The following NF1 variants were observed in gnomAD, a reference collection of about 807,000 sequenced individuals.
NF1 encodes neurofibromin.
A neutral mutation model predicts 325.7 loss-of-function variants in NF1; 122 were observed. The observed-to-expected ratio is 0.37, with a 90% CI of 0.32 to 0.44. The LOEUF is 0.44. NF1 is among the 20% of genes least tolerant of loss of function. NF1 has a pLI of 1.00. For missense variants in NF1, 2,140 were observed against 3,415.4 expected (o/e 0.63, Z 9.31); for synonymous variants, 1,091 against 1,186.0 (o/e 0.92, Z 1.65).
intron 29 of NF1, among the ~76,000 whole-genome samples, chr17:31,247,189 A>G (rs2067407820): frequency 9.4e-6 from 1 of 106,904 alleles, no homozygotes; most frequent in Non-Finnish European, 1.7e-5. Flanking sequence ...GCAAGACTCC[A>G]TCTCAAAAAA....
intron 1 of NF1, among the ~76,000 whole-genome samples, chr17:31,099,101 G>A (rs2143190213): frequency 6.6e-6 from 1 of 152,244 alleles, no homozygotes; most frequent in African/African-American, 2.4e-5. Flanking sequence ...CCCCCAGGGA[G>A]CATGTGCATG....
chr17:31,259,116 G>A lies in NF1; in HGVS notation c.4417G>A (p.Asp1473Asn), dbSNP rs587781790. The A allele has an allele frequency of 6.2e-7, 1 of 1,600,364 alleles. No individual in the cohort carries two copies. The highest frequency in any genetic ancestry group is 1.3e-5 in the African/African-American group (1 of 74,752). The change falls in exon 33 of 58, where the codon GAT becomes AAT. Residue 1473 changes from aspartate (D) to asparagine (N), a missense_variant. Physicochemically the swap from Asp to Asn is conservative, Grantham distance 23. Transcript: ENST00000358273. ...CAATGATTTTGTGAAAAGCAACTTT[G>A]ATGCAGCACGCAGGTAATTTTCTTG... is the stretch of plus-strand genomic sequence containing the variant. ...PFNDFVKSNFDAARRFFLDIA... is the reference protein window; with the variant it reads ...PFNDFVKSNFNAARRFFLDIA...
chr17:31,253,154 C>G (rs2067523674), intron 31 of NF1, 154 bp downstream of exon 31: 1 of 648,342 alleles, frequency 1.5e-6, no homozygotes, highest in Non-Finnish European at 2.7e-6. Context: ...TTTCAATTAA[C>G]CCTGGAATTA....
chr17:31,125,736 A>G (rs985577436), intron 1 of NF1, among the ~76,000 whole-genome samples: 2 of 151,978 alleles, frequency 1.3e-5, no homozygotes, highest in African/African-American at 4.8e-5. Context: ...GGGTTTCGCC[A>G]TGTTAGCCAG....
chr17:31,149,998 A>G (rs990516747), intron 1 of NF1, among the ~76,000 whole-genome samples: 1 of 152,198 alleles, frequency 6.6e-6, no homozygotes, highest in South Asian at 2.1e-4. Flanking sequence ...GTGCCTCTGT[A>G]TCTGTCTCTC....
intron 36 of NF1, among the ~76,000 whole-genome samples, chr17:31,283,689 G>A (rs998618604): frequency 1.3e-5 from 2 of 152,040 alleles, no homozygotes; most frequent in African/African-American, 2.4e-5. Context: ...GACAGGGTTT[G>A]TCATGTTGCC....
At position 31,159,107 on chromosome 17, in the gene NF1, T is replaced by A; in HGVS notation, c.288+14T>A. On this transcript the variant is annotated intron_variant, in intron 3 of 57. Transcript: ENST00000358273. Reference sequence around the variant, plus strand: ...TGTCTTGCTGGGGTAAGTAAATTGATCTTAAGTAGGCAGGCTTTGTGAATT... The same window carrying A: ...TGTCTTGCTGGGGTAAGTAAATTGAACTTAAGTAGGCAGGCTTTGTGAATT... 6.5e-7 allele frequency: 1 copy of A among 1,532,710 alleles called. No homozygotes were observed. Among genetic ancestry groups the A allele is most frequent in the Non-Finnish European group, 9.0e-7 (1 of 1,106,104 alleles). 94.9% of individuals were successfully genotyped at this position (1,532,710 alleles called of 1,614,324 possible).
chr17:31,167,089 T>C (rs980445925), intron 4 of NF1, among the ~76,000 whole-genome samples: 1 of 152,292 alleles, frequency 6.6e-6, no homozygotes, highest in Non-Finnish European at 1.5e-5. Context: ...AAATACCTGC[T>C]CTCTATAAGG....
intron 1 of NF1, among the ~76,000 whole-genome samples, chr17:31,134,860 T>G (rs904503767): frequency 2.0e-5 from 3 of 152,130 alleles, no homozygotes; most frequent in Admixed American, 6.5e-5. Context: ...TCCTTAGAAG[T>G]TACATACCTT....
chr17:31,184,640 T>C (rs1329348490), intron 8 of NF1, among the ~76,000 whole-genome samples: 1 of 136,764 alleles, frequency 7.3e-6, no homozygotes, highest in African/African-American at 2.6e-5. Flanking sequence ...ACAGCGAGAC[T>C]CCGTCTCAAA....
rs1166272892 is a variant in NF1, at chr17:31,375,037, C to T, written c.*882C>T. On this transcript the variant is annotated 3_prime_UTR_variant, in exon 58 of 58. Coordinates refer to ENST00000358273, the MANE Select transcript of NF1 (RefSeq NM_001042492.3). ...TTATATATATATATATATTTTTTCC[C>T]CTCCCCCTCTTCTTTCCTAACTAAT... is the stretch of plus-strand genomic sequence containing the variant. 8 of 204,022 alleles carry T rather than the reference C, an allele frequency of 3.9e-5. No individual in the cohort carries two copies. Among genetic ancestry groups the T allele is most frequent in the Admixed American group, 1.2e-4 (2 of 16,694 alleles). 12.6% of individuals were successfully genotyped at this position (204,022 alleles called of 1,614,324 possible). A position where few individuals can be genotyped will look rare whatever the true frequency, so the allele number is the denominator to read the frequency against.
rs114878105 is a variant in NF1 at position 31,109,815 on chromosome 17, A to C, written c.60+14446A>C. On this transcript the variant is annotated intron_variant, in intron 1 of 57. Transcript: ENST00000358273. ...CTTCTTTCCTCATCTTTTTGATCCT[A>C]ATGTATTTTAAAAGCCTTTACATAT... is the stretch of plus-strand genomic sequence containing the variant. Among the ~76,000 whole-genome samples, 448 of 152,282 alleles carry C rather than the reference A, an allele frequency of 2.9e-3. 2 individuals carry two copies. Among genetic ancestry groups the C allele is most frequent in the African/African-American group, 9.7e-3 (405 of 41,554 alleles).
intron 1 of NF1, among the ~76,000 whole-genome samples, chr17:31,155,124 C>G (rs961866170): frequency 6.6e-6 from 1 of 152,110 alleles, no homozygotes; most frequent in Non-Finnish European, 1.5e-5. Context: ...TTTAGTTGTA[C>G]TATGTTAAAA....
At chr17:31,236,568 T>A (rs2067207375) in intron 29 of NF1, among the ~76,000 whole-genome samples, 1 of 151,852 alleles carries the variant, frequency 6.6e-6, no homozygotes. Flanking sequence ...GCCTCCTGAG[T>A]AGCTGGGATT....
chr17:31,109,102 C>T (rs550479521), intron 1 of NF1, among the ~76,000 whole-genome samples: 1 of 152,314 alleles, frequency 6.6e-6, no homozygotes, highest in African/African-American at 2.4e-5. Context: ...TAAATTAAGT[C>T]CATAGTATTA....
intron 36 of NF1, among the ~76,000 whole-genome samples, chr17:31,303,055 C>G (rs1312037450): frequency 1.3e-5 from 2 of 152,030 alleles, no homozygotes; most frequent in Non-Finnish European, 2.9e-5. Context: ...GTCCAAAACC[C>G]TACTGGTTCT....
intron 8 of NF1, among the ~76,000 whole-genome samples, chr17:31,188,780 AG>A (rs2066286022): frequency 1.3e-5 from 2 of 148,330 alleles, no homozygotes; most frequent in South Asian, 4.3e-4. Flanking sequence ...AATGTGAAAA[AG>A]AGAGATGGGC....
intron 36 of NF1, 36 bp from the exon 37 acceptor site, chr17:31,325,784 G>A (rs2151537303): frequency 6.6e-7 from 1 of 1,520,114 alleles, no homozygotes; most frequent in Non-Finnish European, 9.1e-7. Context: ...TTTAAACACT[G>A]CTAATAATCT....
intron 47 of NF1, among the ~76,000 whole-genome samples, 163 bp downstream of exon 47, chr17:31,340,808 C>G (rs560539841): frequency 6.9e-6 from 1 of 144,440 alleles, no homozygotes; most frequent in African/African-American, 2.6e-5. Flanking sequence ...TCATAAAGAA[C>G]TATGTAAACT....
Sources: gnomAD v4.1 joint callset for allele counts (sites outside exome capture counted in the v4.1 genomes callset) on GRCh38, gnomAD v4.1.1 for gene constraint, MANE v1.5 for transcripts, NCBI Gene and HGNC (gene_info 2026-07-23, HGNC 2026-07-21) for gene names.